POGZ: variants seen among roughly 807,000 people sequenced by gnomAD.
POGZ encodes the protein pogo transposable element with ZNF domain.
A neutral mutation model predicts 134.6 loss-of-function variants in POGZ; 17 were observed. The observed-to-expected ratio is 0.13, with a 90% CI of 0.09 to 0.19. POGZ has a LOEUF of 0.19. Ranked by LOEUF, POGZ falls within the 10% of genes least tolerant of loss-of-function variation. The pLI, the probability that POGZ is intolerant of heterozygous loss-of-function variation, is 1.00. For missense variants in POGZ, 1,306 were observed against 1,769.7 expected (o/e 0.74, Z 4.70); for synonymous variants, 693 against 657.1 (o/e 1.05, Z -0.84).
At chr1:151,443,586 T>C (rs1319763742) in intron 1 of POGZ, among the ~76,000 whole-genome samples, 1 of 152,038 alleles carries the variant, frequency 6.6e-6, no homozygotes, top group Non-Finnish European at 1.5e-5. Flanking sequence ...TGGTGGTGCA[T>C]GCCTGTAATC....
In POGZ at chr1:151,428,233, T is replaced by G; in HGVS notation, c.749A>C (p.Lys250Thr). 6.2e-7 allele frequency: 1 copy of G among 1,614,044 alleles called. No homozygotes were observed. The highest frequency in any genetic ancestry group is 8.5e-7 in the Non-Finnish European group (1 of 1,179,942). The stretch of plus-strand genomic sequence containing the variant: ...AGTGGTAGAAGTGCTGGGAGTGGAC[T>G]TGGTCTGCTGGGACTGGGACTGTGG... ...TVPQSQSQQT[K>T]STPSTSTTPT... The change falls in exon 6 of 19, where the codon AAG becomes ACG. Residue 250 changes from lysine (K) to threonine (T), a missense_variant. By Grantham distance (78) the Lys-to-Thr change is moderately conservative (BLOSUM62 -1). Coordinates refer to ENST00000271715, the MANE Select transcript of POGZ (RefSeq NM_015100.4).
intron 5 of POGZ, among the ~76,000 whole-genome samples, chr1:151,428,963 G>A (rs909333840): frequency 6.6e-6 from 1 of 151,906 alleles, no homozygotes; most frequent in Non-Finnish European, 1.5e-5. Flanking sequence ...TGGGCTACGA[G>A]AACAAAAAAC....
In POGZ at chr1:151,442,221, T is replaced by G. The variant is rs1256343543; in HGVS notation, c.-1-16A>C. 1 of 1,608,300 alleles carries G rather than the reference T, an allele frequency of 6.2e-7. No individual in the cohort carries two copies. Among genetic ancestry groups the G allele is most frequent in the East Asian group, 2.2e-5 (1 of 44,838 alleles). On this transcript the variant is annotated splice_polypyrimidine_tract_variant and intron_variant, in intron 1 of 18. Transcript: ENST00000271715. ...GTCCGCCATGCTATAAGAAAAACATTCAAATAAGATATGGGCCTAAGAATA... is the reference window on the plus strand; with the variant it reads ...GTCCGCCATGCTATAAGAAAAACATGCAAATAAGATATGGGCCTAAGAATA...
At position 151,440,988 on chromosome 1, in the gene POGZ, C is replaced by T. The variant is rs758286970; in HGVS notation, c.223G>A (p.Gly75Arg). Reference protein sequence around the residue: ...LSTSTTVSSSGAQNSDSTKKT... With the variant: ...LSTSTTVSSSRAQNSDSTKKT... ...TTTGTACTGTCGCTGTTCTGTGCCC[C>T]GCTGCTACTAACGGTGGTGGATGTA... The change falls in exon 3 of 19, where the codon GGG (glycine) becomes AGG (arginine). Residue 75 changes from glycine (G) to arginine (R), a missense_variant. Gly to Arg is a moderately radical substitution (Grantham distance 125, BLOSUM62 -2). This residue lies in a region of POGZ where 541 missense variants were observed against 680.5 expected (regional missense o/e 0.80). Coordinates refer to ENST00000271715, the MANE Select transcript of POGZ (RefSeq NM_015100.4). 1.4e-5 allele frequency: 22 copies of T among 1,613,932 alleles called. No homozygotes were observed. The highest frequency in any genetic ancestry group is 2.2e-5 in the East Asian group (1 of 44,882).
At chr1:151,444,520 G>A (rs1031527499) in intron 1 of POGZ, among the ~76,000 whole-genome samples, 1 of 152,160 alleles carries the variant, frequency 6.6e-6, no homozygotes, top group Non-Finnish European at 1.5e-5. Flanking sequence ...AATATAAACT[G>A]TGGACAATAA....
chr1:151,408,773 T>C lies in POGZ; in HGVS notation c.1982A>G (p.Asp661Gly). The part of the protein sequence containing the change: ...KCRLQFLFAK[D>G]KIEHKLQHHK... ...GTGTTGAAGCTTGTGTTCAATTTTG[T>C]CCTTGGCAAAGAGAAACTGCAGCCG... Residue 661 changes from aspartate to glycine, a missense_variant, in exon 13 of 19, where the codon GAC (aspartate) becomes GGC (glycine). This residue lies in a region of POGZ where 149 missense variants were observed against 237.5 expected (regional missense o/e 0.63). Coordinates refer to ENST00000271715, the MANE Select transcript of POGZ (RefSeq NM_015100.4). 1 of 1,614,086 alleles carries C rather than the reference T, an allele frequency of 6.2e-7. No individual in the cohort carries two copies. The highest frequency in any genetic ancestry group is 8.5e-7 in the Non-Finnish European group (1 of 1,179,986).
At chr1:151,443,630 C>T (rs1335718706) in intron 1 of POGZ, among the ~76,000 whole-genome samples, 4 of 152,046 alleles carry the variant, frequency 2.6e-5, no homozygotes, top group Non-Finnish European at 5.9e-5. Context: ...TGGAGAATCG[C>T]TTGAACATGG....
At position 151,427,871 on chromosome 1, in the gene POGZ, A is replaced by AGCTGTT. The variant is rs1278873491; in HGVS notation, c.1024_1029dup (p.Asn342_Ser343dup). The AGCTGTT allele has an allele frequency of 3.7e-6, 6 of 1,614,018 alleles. No individual in the cohort carries two copies. In the East Asian group the frequency reaches 1.3e-4, roughly 36 times the overall value. The stretch of plus-strand genomic sequence containing the variant: ...CTGGTTCTTTGAGAGCCATGAGCAG[A>AGCTGTT]GCTGTTGTTGGACACCACCACTGGC... On this transcript the variant is annotated inframe_insertion, in exon 7 of 19. Transcript: ENST00000271715.
intron 3 of POGZ, among the ~76,000 whole-genome samples, chr1:151,431,635 C>A (rs1217707086): frequency 6.6e-6 from 1 of 152,084 alleles, no homozygotes; most frequent in African/African-American, 2.4e-5. Context: ...CAAAAACTAA[C>A]CCACACCAAG....
At chr1:151,431,104 T>C (rs1158324273) in intron 3 of POGZ, among the ~76,000 whole-genome samples, 2 of 152,014 alleles carry the variant, frequency 1.3e-5, no homozygotes, top group Non-Finnish European at 2.9e-5. Context: ...TGGTGTCCTA[T>C]ATGCCAAAAT....
chr1:151,430,801 G>T lies in POGZ; in HGVS notation c.324C>A (p.Ile108=). Reference sequence around the variant, plus strand: ...GACCTGGGGCTGGATTCTGGGTCAGGATGAGTGGCTGTCCACCTTGCTGGA... The same window carrying T: ...GACCTGGGGCTGGATTCTGGGTCAGTATGAGTGGCTGTCCACCTTGCTGGA... ...PLVQQGGQPL[I]LTQNPAPGLG... Residue 108 remains isoleucine (I), a synonymous_variant, in exon 4 of 19, where the codon ATC becomes ATA. Transcript: ENST00000271715. The T allele has an allele frequency of 6.3e-7, 1 of 1,591,802 alleles. No homozygotes were observed. Among genetic ancestry groups the T allele is most frequent in the Non-Finnish European group, 8.5e-7 (1 of 1,171,644 alleles).
intron 1 of POGZ, among the ~76,000 whole-genome samples, chr1:151,453,235 G>A (rs77228926): frequency 0.015 from 2,280 of 151,824 alleles, 57 homozygotes; most frequent in African/African-American, 0.051. Flanking sequence ...CTCCCTTTTC[G>A]CATGCGTGAA....
chr1:151,442,436 A>G, intron 1 of POGZ: 1 of 347,250 alleles, frequency 2.9e-6, no homozygotes, highest in South Asian at 6.7e-5. Flanking sequence ...CAGGCCGGGC[A>G]TGGTGGCTCC....
chr1:151,429,124 TAAAA>T (rs79814829), intron 5 of POGZ, among the ~76,000 whole-genome samples: 1 of 143,500 alleles, frequency 7.0e-6, no homozygotes, highest in Non-Finnish European at 1.5e-5. Flanking sequence ...CTCAGAATCT[TAAAA>T]AAAAAAAAAA....
At chr1:151,433,358 A>G (rs1482127512) in intron 3 of POGZ, among the ~76,000 whole-genome samples, 1 of 152,204 alleles carries the variant, frequency 6.6e-6, no homozygotes, top group Non-Finnish European at 1.5e-5. Context: ...CTGTAATCCC[A>G]GCATTTTGGG....
Position 151,405,015 on chromosome 1 carries a change from T to C in POGZ, c.4020A>G (p.Thr1340=), listed in dbSNP as rs779620746. 2.5e-6 allele frequency: 4 copies of C among 1,614,066 alleles called. No individual in the cohort carries two copies. Among genetic ancestry groups the C allele is most frequent in the African/African-American group, 2.7e-5 (2 of 74,916 alleles). ...PGPDGNINSP[T]RNADMQEELI... ...GCTCCTCCTGCATGTCAGCATTTCT[T>C]GTAGGTGAGTTAATGTTGCCATCGG... The change falls in exon 19 of 19, where the codon ACA becomes ACG. Residue 1340 remains threonine (T), a synonymous_variant. Transcript: ENST00000271715. This position sits in a 1 kb window ranked among gnomAD's most constrained non-coding sequence, Gnocchi z 4.9.
chr1:151,408,614 A>T, intron 13 of POGZ, 33 bp from the exon 14 acceptor site: 1 of 1,605,658 alleles, frequency 6.2e-7, no homozygotes. Context: ...ATGAGACATC[A>T]CCCACACTAA....
intron 10 of POGZ, among the ~76,000 whole-genome samples, chr1:151,420,391 A>G (rs941859748): frequency 5.3e-5 from 8 of 151,820 alleles, no homozygotes; most frequent in African/African-American, 1.7e-4. Context: ...ATCATGGTTC[A>G]CTCTAGCCTT....
rs76148802 is a variant in POGZ, at chr1:151,412,875, G to A, written c.1679-479C>T. Among the ~76,000 whole-genome samples, 1,502 of 152,020 alleles carry A rather than the reference G, an allele frequency of 9.9e-3. 72 individuals are homozygous for A. Among genetic ancestry groups the A allele is most frequent in the East Asian group, 0.091 (471 of 5,160 alleles). ...TATGATTTCCCACTGCTAATCAGCT[G>A]GCCTCCAATACCTCCTACTCTCTTT... is the stretch of plus-strand genomic sequence containing the variant. On this transcript the variant is annotated intron_variant, in intron 10 of 18. Transcript: ENST00000271715.
Sources: allele counts gnomAD v4.1 joint callset (sites outside exome capture counted in the v4.1 genomes callset), GRCh38; gene constraint gnomAD v4.1.1; regional missense constraint gnomAD v4.1.1; non-coding constraint Gnocchi (gnomAD v3.1); transcripts MANE v1.5; gene names NCBI Gene and HGNC (gene_info 2026-07-23, HGNC 2026-07-21).